Variants in TRIM62 observed in about 807,000 individuals in gnomAD.
The protein encoded by TRIM62 is E3 ubiquitin-protein ligase TRIM62.
A neutral mutation model predicts 44.2 loss-of-function variants in TRIM62; 39 were observed. That is an observed-to-expected ratio of 0.88 (90% confidence interval 0.68 to 1.15). The LOEUF (loss-of-function observed/expected upper bound fraction) is 1.15, where lower values mean the gene tolerates loss of function less well. TRIM62 is among the 50% of genes most tolerant of loss of function. The pLI is 0.00. For missense variants in TRIM62, 544 were observed against 665.5 expected, an observed-to-expected ratio of 0.82 and a Z score of 2.01; for synonymous variants, 278 against 292.3, an observed-to-expected ratio of 0.95 and a Z score of 0.50.
chr1:33,181,021 G>A lies in TRIM62; in HGVS notation c.408+4C>T. On this transcript the variant is annotated splice_donor_region_variant and intron_variant, in intron 1 of 4. Transcript: ENST00000291416. The surrounding 1 kb of genome is among the most constrained non-coding windows in gnomAD (Gnocchi z 6.5). Reference sequence around the variant, plus strand: ...CCCTTCCCCAGGCAGGCCGGGTAGCGCACCTGCAGCTCGTCGAAGGCGTCG... The same window carrying A: ...CCCTTCCCCAGGCAGGCCGGGTAGCACACCTGCAGCTCGTCGAAGGCGTCG... The A allele has an allele frequency of 6.3e-7, 1 of 1,576,484 alleles. No homozygotes were observed. Among genetic ancestry groups the A allele is most frequent in the Non-Finnish European group, 8.6e-7 (1 of 1,168,770 alleles).
rs375622284 is a variant in TRIM62, at chr1:33,159,690, C to T, written c.759G>A (p.Glu253=). 10 of 1,606,296 alleles carry T rather than the reference C, an allele frequency of 6.2e-6. No individual in the cohort carries two copies. In the African/African-American group the frequency reaches 1.1e-4, roughly 17 times the overall value. Residue 253 remains glutamate, a splice_region_variant and synonymous_variant, in exon 3 of 5, where the codon GAG becomes GAA. Transcript: ENST00000291416. The surrounding 1 kb of genome is among the most constrained non-coding windows in gnomAD (Gnocchi z 4.2). ...GGGCCCCGGCGGGTGGCACTTACCGCTCGGACAGTGAGGCCACCCCAGCCA... is the reference window on the plus strand; with the variant it reads ...GGGCCCCGGCGGGTGGCACTTACCGTTCGGACAGTGAGGCCACCCCAGCCA... The part of the protein sequence containing the change: ...TFLAGVASLS[E]RLKGKIHETN...
chr1:33,172,348 G>A (rs1173862665), intron 1 of TRIM62, among the ~76,000 whole-genome samples: 1 of 152,168 alleles, frequency 6.6e-6, no homozygotes, highest in Non-Finnish European at 1.5e-5. Flanking sequence ...TGCAGGTGGG[G>A]AGAACAGGTT....
At chr1:33,168,733 C>T (rs774081060) in intron 1 of TRIM62, among the ~76,000 whole-genome samples, 7 of 152,188 alleles carry the variant, frequency 4.6e-5, no homozygotes, top group African/African-American at 1.2e-4. Flanking sequence ...GTAGAAAGAC[C>T]GCTCCTCAGG....
In TRIM62 at chr1:33,177,103, GCACA is replaced by G. The variant is rs771243263; in HGVS notation, c.408+3918_408+3921del. Among the ~76,000 whole-genome samples the G allele has an allele frequency of 3.3e-5, 5 of 150,778 alleles. No homozygotes were observed. Among genetic ancestry groups the G allele is most frequent in the South Asian group, 4.2e-4 (2 of 4,758 alleles). On this transcript the variant is annotated intron_variant, in intron 1 of 4. Coordinates refer to ENST00000291416, the MANE Select transcript of TRIM62 (RefSeq NM_018207.3). The surrounding 1 kb of genome is among the most constrained non-coding windows in gnomAD (Gnocchi z 4.1). Reference sequence around the variant, plus strand: ...CATGCATGCACAAATGCACACACATGCACACACACATGCATGTACGCATGCACAC... The same window carrying G: ...CATGCATGCACAAATGCACACACATGCACACATGCATGTACGCATGCACAC...
chr1:33,157,044 A>G (rs1202386584), intron 4 of TRIM62, among the ~76,000 whole-genome samples: 1 of 146,510 alleles, frequency 6.8e-6, no homozygotes, highest in South Asian at 2.2e-4. Flanking sequence ...CCTTCGGTCT[A>G]TTCTCAACCC....
chr1:33,147,257 A>T lies in TRIM62; in HGVS notation c.1348T>A (p.Cys450Ser). The T allele has an allele frequency of 1.9e-6, 3 of 1,614,126 alleles. No homozygotes were observed. Among genetic ancestry groups the T allele is most frequent in the Non-Finnish European group, 2.5e-6 (3 of 1,180,034 alleles). Residue 450 changes from cysteine (C) to serine (S), a missense_variant, in exon 5 of 5, where the codon TGC becomes AGC. By Grantham distance (112) the Cys-to-Ser change is moderately radical (BLOSUM62 -1). Transcript: ENST00000291416. This position sits in a 1 kb window ranked among gnomAD's most constrained non-coding sequence, Gnocchi z 8.1. Reference protein sequence around the residue: ...TFREKFPGKLCSYFSPGQSHA... With the variant: ...TFREKFPGKLSSYFSPGQSHA... ...CTCTGGCCAGGGCTGAAGTAAGAGCAGAGCTTGCCAGGGAACTTCTCGCGG... is the reference window on the plus strand; with the variant it reads ...CTCTGGCCAGGGCTGAAGTAAGAGCTGAGCTTGCCAGGGAACTTCTCGCGG...
At chr1:33,150,952 G>A (rs1023007364) in intron 4 of TRIM62, among the ~76,000 whole-genome samples, 2 of 152,124 alleles carry the variant, frequency 1.3e-5, no homozygotes, top group Non-Finnish European at 2.9e-5. Context: ...TATCTAAGGC[G>A]CCTGGGTGAT....
At chr1:33,170,158 C>T (rs112249956) in intron 1 of TRIM62, among the ~76,000 whole-genome samples, 3,654 of 152,126 alleles carry the variant, frequency 0.024, 116 homozygotes, top group African/African-American at 0.082. Flanking sequence ...GGCAAAACCC[C>T]GTCTCTACTA....
chr1:33,177,313 A>G lies in TRIM62; in HGVS notation c.408+3712T>C, dbSNP rs75807337. On this transcript the variant is annotated intron_variant, in intron 1 of 4. Coordinates refer to ENST00000291416, the MANE Select transcript of TRIM62 (RefSeq NM_018207.3). This position sits in a 1 kb window ranked among gnomAD's most constrained non-coding sequence, Gnocchi z 4.1. The stretch of plus-strand genomic sequence containing the variant: ...TAAAAATAGTTTTGGGGTGCCTACT[A>G]TGCCAGGCACAGTACTAGGCACTTC... Among the ~76,000 whole-genome samples the G allele has an allele frequency of 0.01, 1,591 of 152,300 alleles. 28 individuals are homozygous for G. The highest frequency in any genetic ancestry group is 0.034 in the African/African-American group (1,404 of 41,558).
chr1:33,169,792 G>T (rs1352481204), intron 1 of TRIM62, among the ~76,000 whole-genome samples: 1 of 152,228 alleles, frequency 6.6e-6, no homozygotes, highest in Admixed American at 6.5e-5. Context: ...CACCTGGGCT[G>T]CTGTATCAGA....
chr1:33,149,636 A>G (rs35643025), intron 4 of TRIM62, among the ~76,000 whole-genome samples: 28,635 of 144,526 alleles, frequency 0.2, 3,140 homozygotes, highest in South Asian at 0.31. Context: ...TAAATTTTTC[A>G]TAGAGATGAG....
At position 33,167,042 on chromosome 1, in the gene TRIM62, C is replaced by T. The variant is rs1316548154; in HGVS notation, c.409-1476G>A. 3.3e-5 allele frequency among the ~76,000 whole-genome samples: 5 copies of T among 152,220 alleles called. No homozygotes were observed. The highest frequency in any genetic ancestry group is 7.3e-5 in the Non-Finnish European group (5 of 68,046). ...CAGTGGCCTTCTTCCTGTGCCTCCACCATCTTGAGCTCGTTCCAATCTTCA... is the reference window on the plus strand; with the variant it reads ...CAGTGGCCTTCTTCCTGTGCCTCCATCATCTTGAGCTCGTTCCAATCTTCA... On this transcript the variant is annotated intron_variant, in intron 1 of 4. Transcript: ENST00000291416. This position sits in a 1 kb window ranked among gnomAD's most constrained non-coding sequence, Gnocchi z 4.2.
At chr1:33,178,303 C>T (rs1449926945) in intron 1 of TRIM62, among the ~76,000 whole-genome samples, 1 of 152,214 alleles carries the variant, frequency 6.6e-6, no homozygotes, top group Non-Finnish European at 1.5e-5. Flanking sequence ...CTTATTTCTG[C>T]TGCATAAATA....
intron 4 of TRIM62, among the ~76,000 whole-genome samples, chr1:33,150,713 T>G (rs1645084310): frequency 1.3e-5 from 2 of 152,068 alleles, no homozygotes. Flanking sequence ...TGTGGGCAAT[T>G]CCCACAGTGG....
chr1:33,181,505 C>T lies in TRIM62; in HGVS notation c.-73G>A. On this transcript the variant is annotated 5_prime_UTR_variant, in exon 1 of 5. Coordinates refer to ENST00000291416, the MANE Select transcript of TRIM62 (RefSeq NM_018207.3). The surrounding 1 kb of genome is among the most constrained non-coding windows in gnomAD (Gnocchi z 6.5). The stretch of plus-strand genomic sequence containing the variant: ...TGAGAGAGCGCGGCGCTGTCGGAGG[C>T]AGCACCGAGGGCTGGGCGCGGGGAC... 1 of 1,484,984 alleles carries T rather than the reference C, an allele frequency of 6.7e-7. No individual in the cohort carries two copies. The highest frequency in any genetic ancestry group is 8.9e-7 in the Non-Finnish European group (1 of 1,127,662). 92.0% of individuals were successfully genotyped at this position (1,484,984 alleles called of 1,614,324 possible).
In TRIM62 at chr1:33,181,235, G is replaced by C. The variant is rs980879066; in HGVS notation, c.198C>G (p.Leu66=). 1.3e-6 allele frequency: 2 copies of C among 1,561,208 alleles called. No homozygotes were observed. The highest frequency in any genetic ancestry group is 2.4e-5 in the East Asian group (1 of 42,238). Residue 66 remains leucine, a synonymous_variant, in exon 1 of 5, where the codon CTC becomes CTG. Transcript: ENST00000291416. This position sits in a 1 kb window ranked among gnomAD's most constrained non-coding sequence, Gnocchi z 6.5. ...AGCGCTCCACGATGTTGGCCAGCTT[G>C]AGGCTGGGCGCCAGCGCGGGCTCGG... ...TFAEPALAPS[L]KLANIVERYS... is the part of the protein sequence containing the mutation.
rs780488792 is a variant in TRIM62 at position 33,147,184 on chromosome 1, C to A, written c.1421G>T (p.Arg474Leu). 6.2e-7 allele frequency: 1 copy of A among 1,613,240 alleles called. No homozygotes were observed. Among genetic ancestry groups the A allele is most frequent in the Admixed American group, 1.7e-5 (1 of 60,006 alleles). ...GGTCTCCTTCTGCCTGGACTAGATG[C>A]GGACGGTGTTGATCCGCAGCGGCTG... is the stretch of plus-strand genomic sequence containing the variant. The part of the protein sequence containing the change: ...NVQPLRINTV[R>L]I Residue 474 changes from arginine to leucine, a missense_variant, in exon 5 of 5, where the codon CGC becomes CTC. Physicochemically the swap from Arg to Leu is moderately radical, Grantham distance 102 (BLOSUM62 -2). Coordinates refer to ENST00000291416, the MANE Select transcript of TRIM62 (RefSeq NM_018207.3). This position sits in a 1 kb window ranked among gnomAD's most constrained non-coding sequence, Gnocchi z 8.1.
At chr1:33,157,534 TTTAC>T in intron 4 of TRIM62, among the ~76,000 whole-genome samples, 1 of 152,126 alleles carries the variant, frequency 6.6e-6, no homozygotes. Flanking sequence ...ATTTTTCTGA[TTTAC>T]TTTTGTCTAC....
In TRIM62 at chr1:33,165,491, G is replaced by A. The variant is rs745566893; in HGVS notation, c.484C>T (p.Arg162Ter). The change falls in exon 2 of 5, where the codon CGA becomes TGA. Residue 162 changes from arginine to a stop codon, truncating the protein, a stop_gained. Transcript: ENST00000291416. LOFTEE classifies it high-confidence loss of function. The surrounding 1 kb of genome is among the most constrained non-coding windows in gnomAD (Gnocchi z 4.0). The part of the protein sequence containing the change: ...EHTEALQLLK[R>*]QLAETKSSTK... ...CTCACCTTGGTCTCCGCCAGTTGTC[G>A]CTTGAGCAGCTGCAGCGCTTCGGTG... 6 of 1,607,266 alleles carry A rather than the reference G, an allele frequency of 3.7e-6. No individual in the cohort carries two copies. The South Asian group carries it at 5.6e-5, about 15-fold the overall frequency.
Sources: gnomAD v4.1 joint callset for allele counts (sites outside exome capture counted in the v4.1 genomes callset) on GRCh38, gnomAD v4.1.1 for gene constraint, Gnocchi (gnomAD v3.1) non-coding constraint, MANE v1.5 for transcripts, NCBI Gene and HGNC (gene_info 2026-07-23, HGNC 2026-07-21) for gene names.